Variants in ABCA7 observed in about 807,000 individuals in gnomAD.
The protein encoded by ABCA7 is phospholipid-transporting ATPase ABCA7.
ABCA7 carries 261 observed loss-of-function variants against 227.6 expected under a neutral mutation model. The ratio of observed to expected loss-of-function variants is 1.15; its 90% confidence interval spans 1.04 to 1.27. The LOEUF (loss-of-function observed/expected upper bound fraction) is 1.27. Among genes scored for constraint, ABCA7 ranks in the 50% most tolerant of loss-of-function variants. The pLI is 0.00. For missense variants in ABCA7, 3,331 were observed against 2,924.5 expected (o/e 1.14, Z -3.21); for synonymous variants, 1,488 against 1,279.7 (o/e 1.16, Z -3.47).
rs750649163 is a variant in ABCA7, at chr19:1,054,036, G to T, written c.3503G>T (p.Gly1168Val). 6.2e-7 allele frequency: 1 copy of T among 1,613,186 alleles called. No individual in the cohort carries two copies. The highest frequency in any genetic ancestry group is 1.3e-5 in the African/African-American group (1 of 74,920). Residue 1168 changes from glycine to valine, a missense_variant, in exon 26 of 47, where the codon GGC becomes GTC. By Grantham distance (109) the Gly-to-Val change is moderately radical. Coordinates refer to ENST00000263094, the MANE Select transcript of ABCA7 (RefSeq NM_019112.4). The surrounding 1 kb of genome is among the most constrained non-coding windows in gnomAD (Gnocchi z 4.8). ...AGCTGCGGGCAGCACCTATGCACAGGCATTGCTGGCCTAGACGTAACCCTA... is the reference window on the plus strand; with the variant it reads ...AGCTGCGGGCAGCACCTATGCACAGTCATTGCTGGCCTAGACGTAACCCTA... ...DGSCGQHLCT[G>V]IAGLDVTLRL...
At chr19:1,053,978 T>A (rs769879459) in intron 25 of ABCA7, 28 bp from the exon 26 acceptor site, 1 of 1,612,426 alleles carries the variant, frequency 6.2e-7, no homozygotes, top group Non-Finnish European at 8.5e-7. Context: ...ACCCTCAACT[T>A]TGACCCTGAC....
chr19:1,043,047 G>C lies in ABCA7; in HGVS notation c.586G>C (p.Ala196Pro), dbSNP rs1163076910. 6.2e-7 allele frequency: 1 copy of C among 1,601,602 alleles called. No homozygotes were observed. The highest frequency in any genetic ancestry group is 8.5e-7 in the Non-Finnish European group (1 of 1,171,598). Residue 196 changes from alanine to proline, a missense_variant, in exon 8 of 47, where the codon GCG (alanine) becomes CCG (proline). By Grantham distance (27) the Ala-to-Pro change is conservative (BLOSUM62 -1). Transcript: ENST00000263094. Reference protein sequence around the residue: ...AAEDLAQELLALRSLVELRAL... With the variant: ...AAEDLAQELLPLRSLVELRAL... ...TCTGGTAACCTCTCTCTAGCTCCTG[G>C]CGCTGCGCAGCCTGGTGGAGCTTCG... is the stretch of plus-strand genomic sequence containing the variant.
chr19:1,058,466 G>A lies in ABCA7; in HGVS notation c.5150-152G>A. On this transcript the variant is annotated intron_variant, in intron 37 of 46. Transcript: ENST00000263094. ...CTAATTCTTAGATTACATCACAAGA[G>A]GCCTCTTCTGTTTTCTATGCCAATT... The A allele has an allele frequency of 4.2e-6, 6 of 1,421,826 alleles. No homozygotes were observed. In the South Asian group the frequency reaches 8.1e-5, roughly 19 times the overall value. The allele number at this position is 1,421,826 out of a possible 1,614,324, so 88.1% of individuals were successfully genotyped here.
Position 1,054,322 on chromosome 19 carries a change from G to A in ABCA7, c.3707G>A (p.Arg1236His), listed in dbSNP as rs751641258. The stretch of plus-strand genomic sequence containing the variant: ...CGCTTTCTGCTTGCCCGCCGCAGCC[G>A]CCGCGGCCTGTTCGCCCAGGTGAGG... ...LKRFLLARRS[R>H]RGLFAQIVLP... Residue 1236 changes from arginine (R) to histidine (H), a missense_variant, in exon 27 of 47, where the codon CGC becomes CAC. By Grantham distance (29) the Arg-to-His change is conservative. Transcript: ENST00000263094. The surrounding 1 kb of genome is among the most constrained non-coding windows in gnomAD (Gnocchi z 4.8). 2.4e-5 allele frequency: 38 copies of A among 1,600,082 alleles called. No individual in the cohort carries two copies. The highest frequency in any genetic ancestry group is 1.3e-4 in the African/African-American group (10 of 74,832).
chr19:1,049,309 CGTT>C lies in ABCA7; in HGVS notation c.2425_2427del (p.Val809del). On this transcript the variant is annotated inframe_deletion, in exon 18 of 47. Coordinates refer to ENST00000263094, the MANE Select transcript of ABCA7 (RefSeq NM_019112.4). ...CGCCCGGCCTGAGTCCTGGCGTCTC[CGTT>C]CGCAGCCTGGAGAAGCGCTTTCCTG... 6.2e-7 allele frequency: 1 copy of C among 1,611,404 alleles called. No homozygotes were observed. The highest frequency in any genetic ancestry group is 8.5e-7 in the Non-Finnish European group (1 of 1,179,114).
rs1204239259 is a variant in ABCA7 at position 1,052,114 on chromosome 19, C to T, written c.3135C>T (p.Thr1045=). ...LTLVKARLPL[T]TNEKADTDME... Reference sequence around the variant, plus strand: ...TGGTGAAGGCCCGCCTGCCCCTGACCACCAATGAGAAGGTGGGGACCGGCC... The same window carrying T: ...TGGTGAAGGCCCGCCTGCCCCTGACTACCAATGAGAAGGTGGGGACCGGCC... The change falls in exon 22 of 47, where the codon ACC becomes ACT. Residue 1045 remains threonine (T), a synonymous_variant. Coordinates refer to ENST00000263094, the MANE Select transcript of ABCA7 (RefSeq NM_019112.4). 6 of 1,612,220 alleles carry T rather than the reference C, an allele frequency of 3.7e-6. No homozygotes were observed. The highest frequency in any genetic ancestry group is 1.7e-5 in the Admixed American group (1 of 59,960).
chr19:1,045,119 G>T lies in ABCA7; in HGVS notation c.1333G>T (p.Asp445Tyr), dbSNP rs777043896. Residue 445 changes from aspartate to tyrosine, a missense_variant, in exon 12 of 47, where the codon GAC becomes TAC. Coordinates refer to ENST00000263094, the MANE Select transcript of ABCA7 (RefSeq NM_019112.4). ...CGGCGTCGTCTTCTTGGGACCTGAG[G>T]ACTCTTCAGACCCCACAGAGCACCC... ...WAGVVFLGPE[D>Y]SSDPTEHPTP... 8 of 1,612,942 alleles carry T rather than the reference G, an allele frequency of 5.0e-6. No individual in the cohort carries two copies. In the East Asian group the frequency reaches 1.6e-4, roughly 31 times the overall value.
chr19:1,050,788 TAA>T (rs1476226233), intron 18 of ABCA7, 131 bp from the exon 19 acceptor site: 3 of 138,250 alleles, frequency 2.2e-5, no homozygotes, highest in South Asian at 3.0e-4. Flanking sequence ...TCAAAAATAA[TAA>T]TAATAATAAT....
chr19:1,047,333 T>C lies in ABCA7; in HGVS notation c.2022T>C (p.Cys674=), dbSNP rs150674456. 16 of 1,595,622 alleles carry C rather than the reference T, an allele frequency of 1.0e-5. No homozygotes were observed. In the African/African-American group the frequency reaches 2.1e-4, roughly 21 times the overall value. The change falls in exon 15 of 47, where the codon TGT becomes TGC. Residue 674 remains cysteine (C), a synonymous_variant. Transcript: ENST00000263094. ...CCCTCTACCTGCCCTACGTGCTGTGTGTGGCTTGGCGGGACCGGCTGCCCG... is the reference window on the plus strand; with the variant it reads ...CCCTCTACCTGCCCTACGTGCTGTGCGTGGCTTGGCGGGACCGGCTGCCCG... The part of the protein sequence containing the change: ...YFSLYLPYVL[C]VAWRDRLPAG...
At position 1,063,564 on chromosome 19, in the gene ABCA7, G is replaced by T. The variant is rs369378657; in HGVS notation, c.5733G>T (p.Ala1911=). 4 of 1,610,690 alleles carry T rather than the reference G, an allele frequency of 2.5e-6. No homozygotes were observed. Among genetic ancestry groups the T allele is most frequent in the Non-Finnish European group, 3.4e-6 (4 of 1,179,914 alleles). The part of the protein sequence containing the change: ...QVAQTAGSGL[A]RLGLSWYADR... ...CACAGACCGCTGGCTCGGGCCTGGC[G>T]CGTCTGGGACTCTCATGGTACGCAG... The change falls in exon 43 of 47, where the codon GCG becomes GCT. Residue 1911 remains alanine, a synonymous_variant. Transcript: ENST00000263094.
Position 1,065,155 on chromosome 19 carries a change from A to G in ABCA7, c.6269A>G (p.Gln2090Arg). 6.3e-7 allele frequency: 1 copy of G among 1,592,998 alleles called. No individual in the cohort carries two copies. The change falls in exon 46 of 47, where the codon CAG (glutamine) becomes CGG (arginine). Residue 2090 changes from glutamine (Q) to arginine (R), a missense_variant. Physicochemically the swap from Gln to Arg is conservative, Grantham distance 43. Transcript: ENST00000263094. The part of the protein sequence containing the change: ...EHGVEDFSVS[Q>R]TMLEEVFLYF... ...GGCGTGGAGGACTTTTCCGTGAGCC[A>G]GACGATGCTGGAGGAGGTGATCACG... is the stretch of plus-strand genomic sequence containing the variant.
chr19:1,058,797 G>A (rs980854266), intron 38 of ABCA7, 23 bp from the exon 39 acceptor site: 1 of 1,594,934 alleles, frequency 6.3e-7, no homozygotes, highest in Non-Finnish European at 8.6e-7. Flanking sequence ...CCTACTTTAA[G>A]CCCACAGATA....
Position 1,043,790 on chromosome 19 carries a change from AC to A in ABCA7, c.1000del (p.Arg334GlyfsTer6), listed in dbSNP as rs775025290. The A allele has an allele frequency of 1.2e-6, 2 of 1,611,048 alleles. No individual in the cohort carries two copies. Among genetic ancestry groups the A allele is most frequent in the South Asian group, 2.2e-5 (2 of 90,932 alleles). ...TCCGGGAGGTGTGGGAGATGCTGGG[AC>A]CCCGGATCTTCACCTTCATGAACGA... ...DVREVWEMLG[P>X]RIFTFMNDSS... On this transcript the variant is annotated frameshift_variant, in exon 10 of 47. Coordinates refer to ENST00000263094, the MANE Select transcript of ABCA7 (RefSeq NM_019112.4). LOFTEE classifies it high-confidence loss of function.
At chr19:1,047,088 G>A in intron 14 of ABCA7, 64 bp downstream of exon 14, 1 of 1,552,824 alleles carries the variant, frequency 6.4e-7, no homozygotes, top group South Asian at 1.2e-5. Flanking sequence ...GACAGGGGCG[G>A]CCCCACGTGG....
At position 1,062,286 on chromosome 19, in the gene ABCA7, CG is replaced by C; in HGVS notation, c.5687del (p.Gly1896ValfsTer83). On this transcript the variant is annotated frameshift_variant, in exon 42 of 47. Coordinates refer to ENST00000263094, the MANE Select transcript of ABCA7 (RefSeq NM_019112.4). LOFTEE classifies it high-confidence loss of function. Reference sequence around the variant, plus strand: ...ACCTGGAGCTGCTTGCGCGCCTGCGCGGTGTCCCGGAGGCCCAGGTTGCCCA... The same window carrying C: ...ACCTGGAGCTGCTTGCGCGCCTGCGCGTGTCCCGGAGGCCCAGGTTGCCCA... ...EHLELLARLR[G>X]VPEAQVAQTA... 1 of 1,607,946 alleles carries C rather than the reference CG, an allele frequency of 6.2e-7. No individual in the cohort carries two copies. The highest frequency in any genetic ancestry group is 8.5e-7 in the Non-Finnish European group (1 of 1,179,608).
At chr19:1,064,770 A>T in intron 45 of ABCA7, 161 bp from the exon 46 acceptor site, 2 of 1,193,438 alleles carry the variant, frequency 1.7e-6, no homozygotes, top group Non-Finnish European at 2.2e-6. Context: ...GGTCTCAGCT[A>T]CGCGGGCGGG....
intron 42 of ABCA7, among the ~76,000 whole-genome samples, chr19:1,062,687 G>A (rs1387783796): frequency 6.6e-6 from 1 of 151,810 alleles, no homozygotes; most frequent in Non-Finnish European, 1.5e-5. Flanking sequence ...CACTCTGGCC[G>A]TTCCCAGTTT....
intron 7 of ABCA7, 46 bp from the exon 8 acceptor site, chr19:1,042,995 T>A: frequency 2.6e-6 from 4 of 1,561,714 alleles, no homozygotes; most frequent in Non-Finnish European, 3.5e-6. Context: ...TGGTTAGGGC[T>A]TGGAGGTGGG....
In ABCA7 at chr19:1,065,269, G is replaced by T. The variant is rs1255797991; in HGVS notation, c.6286-1G>T. The T allele has an allele frequency of 6.2e-6, 10 of 1,613,062 alleles. No homozygotes were observed. The highest frequency in any genetic ancestry group is 8.5e-6 in the Non-Finnish European group (10 of 1,179,964). ...GTCCCCTCTGGGCTGCCCACCGCTA[G>T]GTATTCTTGTACTTCTCCAAGGACC... On this transcript the variant is annotated splice_acceptor_variant, in intron 46 of 46. Transcript: ENST00000263094. LOFTEE classifies it high-confidence loss of function.
Sources: allele counts gnomAD v4.1 joint callset (sites outside exome capture counted in the v4.1 genomes callset), GRCh38; gene constraint gnomAD v4.1.1; non-coding constraint Gnocchi (gnomAD v3.1); transcripts MANE v1.5; gene names NCBI Gene and HGNC (gene_info 2026-07-23, HGNC 2026-07-21).